OTOG: variants seen among roughly 807,000 people sequenced by gnomAD.
OTOG encodes the protein otogelin.
OTOG carries 296 observed loss-of-function variants against 313.8 expected under a neutral mutation model. That is an observed-to-expected ratio of 0.94 (90% confidence interval 0.86 to 1.04). The LOEUF is 1.04. Ranked by LOEUF, OTOG falls within the 50% of genes least tolerant of loss-of-function variation. The pLI is 0.00. For missense variants in OTOG, 3,948 were observed against 3,840.1 expected (o/e 1.03, Z -0.74); for synonymous variants, 1,533 against 1,554.9 (o/e 0.99, Z 0.33).
At chr11:17,604,787 G>A (rs1375747646) in intron 32 of OTOG, among the ~76,000 whole-genome samples, 3 of 152,182 alleles carry the variant, frequency 2.0e-5, no homozygotes, top group Non-Finnish European at 2.9e-5. Context: ...CACTTCACAG[G>A]GTTCTCGTAG....
At chr11:17,630,506 G>A (rs1375172476) in intron 40 of OTOG, among the ~76,000 whole-genome samples, 1 of 152,210 alleles carries the variant, frequency 6.6e-6, no homozygotes, top group Admixed American at 6.5e-5. Flanking sequence ...ATCATGGTTA[G>A]AGGTGTTAGA....
intron 38 of OTOG, among the ~76,000 whole-genome samples, chr11:17,613,374 C>CCTTCCTTCCA (rs1565119211): frequency 1.3e-5 from 1 of 74,660 alleles, no homozygotes; most frequent in Admixed American, 1.3e-4. Flanking sequence ...CCTTCCTTCC[C>CCTTCCTTCCA]TCCTTCCTTC....
Position 17,640,839 on chromosome 11 carries a change from G to A in OTOG, c.8011+19G>A, listed in dbSNP as rs1364484830. 16 of 1,550,178 alleles carry A rather than the reference G, an allele frequency of 1.0e-5. No individual in the cohort carries two copies. The highest frequency in any genetic ancestry group is 9.8e-5 in the East Asian group (4 of 40,920). On this transcript the variant is annotated intron_variant, in intron 50 of 55. Transcript: ENST00000399397. ...GAGTGTGGTGAGTGGGGGAAGCCTCGGGGCAGAGCCATGCAGGAGGGGCAT... is the reference window on the plus strand; with the variant it reads ...GAGTGTGGTGAGTGGGGGAAGCCTCAGGGCAGAGCCATGCAGGAGGGGCAT...
intron 17 of OTOG, 129 bp downstream of exon 17, chr11:17,570,519 G>T (rs1852382751): frequency 2.4e-6 from 2 of 847,228 alleles, no homozygotes; most frequent in East Asian, 5.5e-5. Context: ...ATTAGTTATT[G>T]ATTTCTCTAC....
At chr11:17,569,132 C>T (rs1852352263) in intron 15 of OTOG, 24 bp from the exon 16 acceptor site, 1 of 1,550,370 alleles carries the variant, frequency 6.5e-7, no homozygotes, top group Non-Finnish European at 8.7e-7. Flanking sequence ...CAACACTGCC[C>T]CATTGACCTT....
intron 3 of OTOG, among the ~76,000 whole-genome samples, chr11:17,549,527 A>AT (rs2133992464): frequency 6.6e-6 from 1 of 152,230 alleles, no homozygotes; most frequent in South Asian, 2.1e-4. Flanking sequence ...TATTGGAGTC[A>AT]TTTTTTTGTA....
intron 6 of OTOG, 40 bp downstream of exon 6, chr11:17,553,559 C>T (rs1851993396): frequency 7.1e-7 from 1 of 1,402,042 alleles, no homozygotes; most frequent in Non-Finnish European, 9.3e-7. Flanking sequence ...GAATGCTTCT[C>T]TAGGCCCTGG....
intron 32 of OTOG, among the ~76,000 whole-genome samples, chr11:17,603,220 C>A (rs1214250157): frequency 6.6e-6 from 1 of 151,998 alleles, no homozygotes; most frequent in Non-Finnish European, 1.5e-5. Flanking sequence ...CACAAGGAGG[C>A]CTGGGAGTGA....
chr11:17,565,098 A>G (rs1451313327), intron 15 of OTOG, among the ~76,000 whole-genome samples: 1 of 152,224 alleles, frequency 6.6e-6, no homozygotes, highest in East Asian at 1.9e-4. Flanking sequence ...CATTAGCCAA[A>G]GTGCATACCT....
chr11:17,548,117 GC>G, intron 2 of OTOG, 34 bp from the exon 3 acceptor site: 1 of 1,536,752 alleles, frequency 6.5e-7, no homozygotes, highest in Non-Finnish European at 8.8e-7. Context: ...ACCCATCCTA[GC>G]CCCCCATCCA....
Position 17,602,305 on chromosome 11 carries a change from A to G in OTOG, c.3805A>G (p.Thr1269Ala). The change falls in exon 32 of 56, where the codon ACA becomes GCA. Residue 1269 changes from threonine (T) to alanine (A), a missense_variant. Coordinates refer to ENST00000399397, the MANE Select transcript of OTOG (RefSeq NM_001292063.2). ...AVGDDIVLVR[T>A]EDVAPADIVS... is the part of the protein sequence containing the mutation. ...GGGCGATGACATAGTCCTAGTGAGGACAGAGGATGTGGCGCCAGCAGACAT... is the reference window on the plus strand; with the variant it reads ...GGGCGATGACATAGTCCTAGTGAGGGCAGAGGATGTGGCGCCAGCAGACAT... 1 of 1,550,566 alleles carries G rather than the reference A, an allele frequency of 6.4e-7. No individual in the cohort carries two copies. The highest frequency in any genetic ancestry group is 8.7e-7 in the Non-Finnish European group (1 of 1,146,954).
At chr11:17,560,214 A>G (rs1371751987) in intron 12 of OTOG, among the ~76,000 whole-genome samples, 2 of 152,230 alleles carry the variant, frequency 1.3e-5, no homozygotes, top group African/African-American at 4.8e-5. Context: ...AGGATGGTTG[A>G]GATAAAAAAT....
chr11:17,639,330 G>A (rs1847918906), intron 48 of OTOG, 93 bp from the exon 49 acceptor site: 12 of 1,353,764 alleles, frequency 8.9e-6, no homozygotes, highest in South Asian at 1.3e-5. Context: ...TTCAGAAGAC[G>A]GGTTGTGCCA....
rs114967327 is a variant in OTOG, at chr11:17,592,184, G to A, written c.3006+596G>A. 2.5e-3 allele frequency among the ~76,000 whole-genome samples: 385 copies of A among 152,268 alleles called. 2 individuals are homozygous for A. Among genetic ancestry groups the A allele is most frequent in the African/African-American group, 8.9e-3 (370 of 41,552 alleles). ...GAAGGCAGGATCCCTACCCCAGGAG[G>A]AATGGGCACTGATGTGGTGGAGGAG... On this transcript the variant is annotated intron_variant, in intron 25 of 55. Coordinates refer to ENST00000399397, the MANE Select transcript of OTOG (RefSeq NM_001292063.2).
chr11:17,609,581 C>G, intron 35 of OTOG, 74 bp from the exon 36 acceptor site: 1 of 1,334,566 alleles, frequency 7.5e-7, no homozygotes, highest in Non-Finnish European at 1.0e-6. Flanking sequence ...AGCCTCACAC[C>G]ACAGCCCTGC....
chr11:17,639,407 C>T lies in OTOG; in HGVS notation c.7895-16C>T. ...CATCCCTGATGAAGTGGGGCCTGGC[C>T]CCTTGTGTTTTTCAGAATGTGACTG... On this transcript the variant is annotated splice_polypyrimidine_tract_variant and intron_variant, in intron 48 of 55. Transcript: ENST00000399397. The T allele has an allele frequency of 6.4e-7, 1 of 1,550,678 alleles. No individual in the cohort carries two copies. The highest frequency in any genetic ancestry group is 8.7e-7 in the Non-Finnish European group (1 of 1,146,996).
At chr11:17,607,731 C>T (rs1354743467) in intron 33 of OTOG, among the ~76,000 whole-genome samples, 1 of 152,194 alleles carries the variant, frequency 6.6e-6, no homozygotes, top group African/African-American at 2.4e-5. Flanking sequence ...ATAACACCTC[C>T]CTTGCAAGCT....
intron 15 of OTOG, among the ~76,000 whole-genome samples, chr11:17,568,332 ATAT>A (rs1457743198): frequency 6.6e-6 from 1 of 152,220 alleles, no homozygotes; most frequent in Non-Finnish European, 1.5e-5. Context: ...TATCATAATA[ATAT>A]TGTGGTATTA....
intron 19 of OTOG, among the ~76,000 whole-genome samples, chr11:17,573,960 C>T (rs1852461010): frequency 1.3e-5 from 2 of 152,214 alleles, no homozygotes; most frequent in South Asian, 2.1e-4. Context: ...GTTCTTAACC[C>T]TGGCTGCATA....
Sources: allele counts gnomAD v4.1 joint callset (sites outside exome capture counted in the v4.1 genomes callset), GRCh38; gene constraint gnomAD v4.1.1; transcripts MANE v1.5; gene names NCBI Gene and HGNC (gene_info 2026-07-23, HGNC 2026-07-21).